The following CXCL6 variants were observed in gnomAD, a reference collection of about 807,000 sequenced individuals.
The protein encoded by CXCL6 is C-X-C motif chemokine ligand 6.
Under a neutral mutation model 10.5 loss-of-function variants are expected in CXCL6, and 18 were observed. The observed-to-expected ratio is 1.71, with a 90% confidence interval of 1.18 to 2.54. The LOEUF (loss-of-function observed/expected upper bound fraction) is 2.54. Among genes scored for constraint, CXCL6 ranks in the 30% most tolerant of loss-of-function variants. CXCL6 has a pLI of 0.00. For missense variants in CXCL6, 171 were observed against 145.7 expected, an observed-to-expected ratio of 1.17 and a Z score of -0.90; for synonymous variants, 82 against 68.3, an observed-to-expected ratio of 1.20 and a Z score of -0.99.
Position 73,837,282 on chromosome 4 carries a change from GAC to G in CXCL6, c.324_325del (p.Asp108GlufsTer16), listed in dbSNP as rs780367243. ...FLKKVIQKIL[D>X]SGNKKN Reference sequence around the variant, plus strand: ...AAAGAAAGTCATCCAGAAAATTTTGGACAGGTATTTGTCCCTTTGATCTTTGT... The same window carrying G: ...AAAGAAAGTCATCCAGAAAATTTTGGAGGTATTTGTCCCTTTGATCTTTGT... On this transcript the variant is annotated frameshift_variant and splice_region_variant, in exon 3 of 4. Transcript: ENST00000226317. LOFTEE classifies it high-confidence loss of function. 2 of 1,613,896 alleles carry G rather than the reference GAC, an allele frequency of 1.2e-6. No individual in the cohort carries two copies. Among genetic ancestry groups the G allele is most frequent in the Non-Finnish European group, 1.7e-6 (2 of 1,179,796 alleles).
chr4:73,837,167 T>C (rs1578138896), intron 2 of CXCL6, 36 bp from the exon 3 acceptor site: 2 of 1,613,814 alleles, frequency 1.2e-6, no homozygotes, highest in Admixed American at 1.7e-5. Context: ...TCAACCTTTG[T>C]GGCTCATGGG....
In CXCL6 at chr4:73,838,454, A is replaced by G. The variant is rs1215698128; in HGVS notation, c.*813A>G. 6.6e-6 allele frequency: 1 copy of G among 152,404 alleles called. No individual in the cohort carries two copies. The highest frequency in any genetic ancestry group is 1.5e-5 in the Non-Finnish European group (1 of 68,020). The allele number at this position is 152,404 out of a possible 1,614,324, so 9.4% of individuals were successfully genotyped here. ...TTCCTGATTGCTAATTTACATAGAA[A>G]TGTATTCTCTTGGTTTTTTAAATAA... On this transcript the variant is annotated 3_prime_UTR_variant, in exon 4 of 4. Coordinates refer to ENST00000226317, the MANE Select transcript of CXCL6 (RefSeq NM_002993.4).
In CXCL6 at chr4:73,837,210, C is replaced by T; in HGVS notation, c.250C>T (p.Leu84=). 1 of 1,614,076 alleles carries T rather than the reference C, an allele frequency of 6.2e-7. No individual in the cohort carries two copies. The highest frequency in any genetic ancestry group is 1.3e-5 in the African/African-American group (1 of 74,956). The change falls in exon 3 of 4, where the codon CTG becomes TTG. Residue 84 remains leucine (L), a synonymous_variant. Coordinates refer to ENST00000226317, the MANE Select transcript of CXCL6 (RefSeq NM_002993.4). ...QCSKVEVVAS[L]KNGKQVCLDP... is the part of the protein sequence containing the mutation. ...TCTTTTTCTTTACTTCAGAGCCTCC[C>T]TGAAGAACGGGAAGCAAGTTTGTCT... is the stretch of plus-strand genomic sequence containing the variant.
At chr4:73,837,146 A>C in intron 2 of CXCL6, 50 bp downstream of exon 2, 1 of 1,613,700 alleles carries the variant, frequency 6.2e-7, no homozygotes, top group Non-Finnish European at 8.5e-7. Context: ...CAAGTCCTCC[A>C]GCCTGGGTCG....
Position 73,836,778 on chromosome 4 carries a change from C to T in CXCL6, c.28C>T (p.Arg10Cys). 1 of 1,611,420 alleles carries T rather than the reference C, an allele frequency of 6.2e-7. No individual in the cohort carries two copies. The highest frequency in any genetic ancestry group is 8.5e-7 in the Non-Finnish European group (1 of 1,179,300). ...GAGCCTCCCGTCCAGCCGCGCGGCC[C>T]GTGTCCCGGGTCCTTCGGGCTCCTT... is the stretch of plus-strand genomic sequence containing the variant. MSLPSSRAA[R>C]VPGPSGSLCA... is the part of the protein sequence containing the mutation. Residue 10 changes from arginine (R) to cysteine (C), a missense_variant, in exon 1 of 4, where the codon CGT (arginine) becomes TGT (cysteine). Coordinates refer to ENST00000226317, the MANE Select transcript of CXCL6 (RefSeq NM_002993.4).
rs751664645 is a variant in CXCL6 at position 73,836,809 on chromosome 4, C to T, written c.59C>T (p.Ala20Val). 3 of 1,612,006 alleles carry T rather than the reference C, an allele frequency of 1.9e-6. No individual in the cohort carries two copies. Among genetic ancestry groups the T allele is most frequent in the East Asian group, 2.2e-5 (1 of 44,850 alleles). Reference sequence around the variant, plus strand: ...CCGGGTCCTTCGGGCTCCTTGTGCGCGCTGCTCGCGCTGCTGCTCCTGCTG... The same window carrying T: ...CCGGGTCCTTCGGGCTCCTTGTGCGTGCTGCTCGCGCTGCTGCTCCTGCTG... ...RVPGPSGSLCALLALLLLLTP... is the reference protein window; with the variant it reads ...RVPGPSGSLCVLLALLLLLTP... The change falls in exon 1 of 4, where the codon GCG becomes GTG. Residue 20 changes from alanine (A) to valine (V), a missense_variant. Physicochemically the swap from Ala to Val is moderately conservative, Grantham distance 64. Coordinates refer to ENST00000226317, the MANE Select transcript of CXCL6 (RefSeq NM_002993.4).
In CXCL6 at chr4:73,836,718, G is replaced by A. The variant is rs1283609124; in HGVS notation, c.-33G>A. The A allele has an allele frequency of 1.3e-6, 2 of 1,569,794 alleles. No individual in the cohort carries two copies. The highest frequency in any genetic ancestry group is 2.2e-4 in the Middle Eastern group (1 of 4,498). On this transcript the variant is annotated 5_prime_UTR_variant, in exon 1 of 4. Coordinates refer to ENST00000226317, the MANE Select transcript of CXCL6 (RefSeq NM_002993.4). ...CCTCCAGTCTCCGCGCCTCCACCCA[G>A]CTCAGGAACCCGCGAACCCTCTCTT...
Position 73,837,862 on chromosome 4 carries a change from T to C in CXCL6, c.*221T>C, listed in dbSNP as rs1731139901. On this transcript the variant is annotated 3_prime_UTR_variant, in exon 4 of 4. Transcript: ENST00000226317. Reference sequence around the variant, plus strand: ...ATATAGTATTTCCACTATTTACTGTTATTTTACCTGATAAGTTATTGAACC... The same window carrying C: ...ATATAGTATTTCCACTATTTACTGTCATTTTACCTGATAAGTTATTGAACC... 3 of 407,382 alleles carry C rather than the reference T, an allele frequency of 7.4e-6. No individual in the cohort carries two copies. The South Asian group carries it at 3.1e-4, about 42-fold the overall frequency. 25.2% of individuals were successfully genotyped at this position (407,382 alleles called of 1,614,324 possible). A position where few individuals can be genotyped will look rare whatever the true frequency, so the allele number is the denominator to read the frequency against.
chr4:73,837,163 T>C, intron 2 of CXCL6, 40 bp from the exon 3 acceptor site: 7 of 1,613,802 alleles, frequency 4.3e-6, no homozygotes, highest in Non-Finnish European at 5.9e-6. Context: ...GTCGTCAACC[T>C]TTGTGGCTCA....
rs775906428 is a variant in CXCL6, at chr4:73,836,801, C to T, written c.51C>T (p.Ser17=). The stretch of plus-strand genomic sequence containing the variant: ...CCCGTGTCCCGGGTCCTTCGGGCTC[C>T]TTGTGCGCGCTGCTCGCGCTGCTGC... ...RAARVPGPSG[S]LCALLALLLL... is the part of the protein sequence containing the mutation. Residue 17 remains serine, a synonymous_variant, in exon 1 of 4, where the codon TCC becomes TCT. Transcript: ENST00000226317. 6.8e-6 allele frequency: 11 copies of T among 1,612,244 alleles called. No individual in the cohort carries two copies. Among genetic ancestry groups the T allele is most frequent in the Non-Finnish European group, 8.5e-6 (10 of 1,179,468 alleles).
At position 73,837,234 on chromosome 4, in the gene CXCL6, C is replaced by G. The variant is rs140549348; in HGVS notation, c.274C>G (p.Leu92Val). 632 of 1,614,128 alleles carry G rather than the reference C, an allele frequency of 3.9e-4. 3 individuals are homozygous for G. In the African/African-American group the frequency reaches 7.4e-3, roughly 19 times the overall value. The change falls in exon 3 of 4, where the codon CTG becomes GTG. Residue 92 changes from leucine (L) to valine (V), a missense_variant. Transcript: ENST00000226317. The part of the protein sequence containing the change: ...ASLKNGKQVC[L>V]DPEAPFLKKV... ...CCTGAAGAACGGGAAGCAAGTTTGT[C>G]TGGACCCGGAAGCCCCTTTTCTAAA...
Position 73,836,957 on chromosome 4 carries a change from TC to T in CXCL6, c.110-3del. ...ACCTGCCCTATAAAAATGTCTTTCT[TC>T]CCCAGCTGGTCCTGTCTCTGCTGTG... On this transcript the variant is annotated splice_polypyrimidine_tract_variant and splice_region_variant and intron_variant, in intron 1 of 3. Transcript: ENST00000226317. 6.9e-6 allele frequency: 11 copies of T among 1,604,128 alleles called. No individual in the cohort carries two copies. The highest frequency in any genetic ancestry group is 8.5e-6 in the Non-Finnish European group (10 of 1,174,838).
Position 73,837,265 on chromosome 4 carries a change from T to C in CXCL6, c.305T>C (p.Val102Ala), listed in dbSNP as rs749823854. Residue 102 changes from valine (V) to alanine (A), a missense_variant, in exon 3 of 4, where the codon GTC becomes GCC. Coordinates refer to ENST00000226317, the MANE Select transcript of CXCL6 (RefSeq NM_002993.4). ...CCGGAAGCCCCTTTTCTAAAGAAAGTCATCCAGAAAATTTTGGACAGGTAT... is the reference window on the plus strand; with the variant it reads ...CCGGAAGCCCCTTTTCTAAAGAAAGCCATCCAGAAAATTTTGGACAGGTAT... ...LDPEAPFLKK[V>A]IQKILDSGNK... 6.2e-7 allele frequency: 1 copy of C among 1,614,208 alleles called. No individual in the cohort carries two copies. Among genetic ancestry groups the C allele is most frequent in the Admixed American group, 1.7e-5 (1 of 60,026 alleles).
In CXCL6 at chr4:73,837,097, G is replaced by C. The variant is rs1416501546; in HGVS notation, c.242+1G>C. On this transcript the variant is annotated splice_donor_variant, in intron 2 of 3. Coordinates refer to ENST00000226317, the MANE Select transcript of CXCL6 (RefSeq NM_002993.4). LOFTEE classifies it high-confidence loss of function. ...CGCAGTGCTCCAAGGTGGAAGTGGT[G>C]TAAGTTCTCCTGTGTTGCTGTGTCC... 4 of 1,613,002 alleles carry C rather than the reference G, an allele frequency of 2.5e-6. No individual in the cohort carries two copies. In the African/African-American group the frequency reaches 5.3e-5, roughly 22 times the overall value.
chr4:73,837,056 G>A lies in CXCL6; in HGVS notation c.202G>A (p.Val68Met). ...VNPKTIGKLQVFPAGPQCSKV... is the reference protein window; with the variant it reads ...VNPKTIGKLQMFPAGPQCSKV... ...CCCCAAAACGATTGGTAAACTGCAG[G>A]TGTTCCCCGCAGGCCCGCAGTGCTC... Residue 68 changes from valine (V) to methionine (M), a missense_variant, in exon 2 of 4, where the codon GTG becomes ATG. Physicochemically the swap from Val to Met is conservative, Grantham distance 21. Transcript: ENST00000226317. 1.2e-6 allele frequency: 2 copies of A among 1,613,946 alleles called. No individual in the cohort carries two copies. The highest frequency in any genetic ancestry group is 1.7e-6 in the Non-Finnish European group (2 of 1,179,904).
intron 2 of CXCL6, 52 bp downstream of exon 2, chr4:73,837,148 C>A (rs776726060): frequency 6.2e-7 from 1 of 1,613,536 alleles, no homozygotes; most frequent in South Asian, 1.1e-5. Context: ...AGTCCTCCAG[C>A]CTGGGTCGTC....
At position 73,836,703 on chromosome 4, in the gene CXCL6, C is replaced by G. The variant is rs768548132; in HGVS notation, c.-48C>G. The G allele has an allele frequency of 6.7e-7, 1 of 1,502,278 alleles. No individual in the cohort carries two copies. The highest frequency in any genetic ancestry group is 9.1e-7 in the Non-Finnish European group (1 of 1,098,062). The allele number at this position is 1,502,278 out of a possible 1,614,324, so 93.1% of individuals were successfully genotyped here. A position where few individuals can be genotyped will look rare whatever the true frequency, so the allele number is the denominator to read the frequency against. ...CAAAGTGCTCTGTATCCTCCAGTCT[C>G]CGCGCCTCCACCCAGCTCAGGAACC... On this transcript the variant is annotated 5_prime_UTR_variant, in exon 1 of 4. Transcript: ENST00000226317.
In CXCL6 at chr4:73,837,493, A is replaced by G. The variant is rs925492337; in HGVS notation, c.327-130A>G. On this transcript the variant is annotated intron_variant, in intron 3 of 3. Transcript: ENST00000226317. ...CCTGAACAATTACACAGAGCTCATTACTGACATCTATTTTTTGTCTGCTCT... is the reference window on the plus strand; with the variant it reads ...CCTGAACAATTACACAGAGCTCATTGCTGACATCTATTTTTTGTCTGCTCT... 6.2e-6 allele frequency: 6 copies of G among 969,598 alleles called. No homozygotes were observed. In the East Asian group the frequency reaches 9.8e-5, roughly 16 times the overall value. The allele number at this position is 969,598 out of a possible 1,614,324, so 60.1% of individuals were successfully genotyped here.
Position 73,836,870 on chromosome 4 carries a change from C to T in CXCL6, c.109+11C>T. 1 of 1,612,312 alleles carries T rather than the reference C, an allele frequency of 6.2e-7. No homozygotes were observed. ...GGCCCCTCGCCAGCGGTGAGAGCTC[C>T]TGGCACTGGGGTGCATCCCAGCCTC... On this transcript the variant is annotated intron_variant, in intron 1 of 3. Transcript: ENST00000226317.
Sources: gnomAD v4.1 joint callset for allele counts on GRCh38, gnomAD v4.1.1 for gene constraint, MANE v1.5 for transcripts, NCBI Gene and HGNC (gene_info 2026-07-23, HGNC 2026-07-21) for gene names.